ZRANB3: variants seen among roughly 807,000 people sequenced by gnomAD.
ZRANB3 encodes DNA annealing helicase and endonuclease ZRANB3.
In ZRANB3, 125 loss-of-function variants were observed where a neutral mutation model predicts 133.8. The observed-to-expected ratio is 0.93, with a 90% CI of 0.81 to 1.08. The LOEUF (loss-of-function observed/expected upper bound fraction) is 1.08. ZRANB3 is among the 50% of genes least tolerant of loss of function. ZRANB3 has a pLI of 0.00. For synonymous variants in ZRANB3, 387 were observed against 432.7 expected (o/e 0.89, Z 1.31); for missense variants, 1,229 against 1,275.5 (o/e 0.96, Z 0.56).
intron 12 of ZRANB3, among the ~76,000 whole-genome samples, chr2:135,253,479 C>A (rs181139429): frequency 6.6e-6 from 1 of 152,068 alleles, no homozygotes. Context: ...AGACACACTC[C>A]GAGAAATGTA....
At chr2:135,340,470 A>T in intron 6 of ZRANB3, among the ~76,000 whole-genome samples, 1 of 151,920 alleles carries the variant, frequency 6.6e-6, no homozygotes, top group East Asian at 1.9e-4. Flanking sequence ...TATTTTTTCA[A>T]ATAACATTTA....
At chr2:135,217,385 C>T (rs1694354487) in intron 17 of ZRANB3, 80 bp downstream of exon 17, 2 of 1,350,200 alleles carry the variant, frequency 1.5e-6, no homozygotes, top group South Asian at 1.7e-5. Flanking sequence ...TTAGTGGTTC[C>T]AAAAGATGCC....
chr2:135,329,783 T>A (rs1684042359), intron 6 of ZRANB3, among the ~76,000 whole-genome samples: 1 of 152,236 alleles, frequency 6.6e-6, no homozygotes, highest in Admixed American at 6.5e-5. Flanking sequence ...ACATCCTTTG[T>A]AAGTTGGATT....
chr2:135,518,587 C>G (rs930644987), intron 1 of ZRANB3, among the ~76,000 whole-genome samples: 4 of 152,142 alleles, frequency 2.6e-5, no homozygotes, highest in Non-Finnish European at 5.9e-5. Flanking sequence ...TGGGCTGCAC[C>G]CACTATCTAA....
intron 2 of ZRANB3, among the ~76,000 whole-genome samples, chr2:135,429,452 T>G (rs1423409033): frequency 6.6e-6 from 1 of 152,128 alleles, no homozygotes; most frequent in Non-Finnish European, 1.5e-5. Flanking sequence ...AAATAATCTG[T>G]ACTCCATACC....
chr2:135,485,047 T>A (rs560439640), intron 2 of ZRANB3, among the ~76,000 whole-genome samples: 1 of 151,520 alleles, frequency 6.6e-6, no homozygotes, highest in South Asian at 2.1e-4. Flanking sequence ...GAAATATGAA[T>A]AAATAAAAAT....
At chr2:135,403,167 C>T (rs866199982) in intron 2 of ZRANB3, among the ~76,000 whole-genome samples, 11 of 152,268 alleles carry the variant, frequency 7.2e-5, no homozygotes, top group Middle Eastern at 6.8e-3. Flanking sequence ...TTGCCTCACA[C>T]GGGAACCGCA....
At chr2:135,311,425 T>C (rs1682967309) in intron 8 of ZRANB3, among the ~76,000 whole-genome samples, 1 of 152,152 alleles carries the variant, frequency 6.6e-6, no homozygotes, top group African/African-American at 2.4e-5. Flanking sequence ...GTTAAATCTA[T>C]ACTTTTATGA....
intron 8 of ZRANB3, among the ~76,000 whole-genome samples, chr2:135,295,623 A>C (rs1425824899): frequency 2.2e-4 from 33 of 149,260 alleles, no homozygotes; most frequent in South Asian, 1.1e-3. Context: ...TGTCATTATG[A>C]TGTTAGCTGG....
Position 135,207,300 on chromosome 2 carries a change from T to C in ZRANB3, c.3009+134A>G, listed in dbSNP as rs1027284063. On this transcript the variant is annotated intron_variant, in intron 19 of 20. Coordinates refer to ENST00000264159, the MANE Select transcript of ZRANB3 (RefSeq NM_032143.4). ...GCTGTAAACTGTTAAAGCTGGCTGA[T>C]GGACATATGGGTCCATTATTTTCTT... 5 of 1,026,536 alleles carry C rather than the reference T, an allele frequency of 4.9e-6. 1 individual carries two copies. The South Asian group carries it at 8.6e-5, about 18-fold the overall frequency. The allele number at this position is 1,026,536 out of a possible 1,614,324, so 63.6% of individuals were successfully genotyped here. A position where few individuals can be genotyped will look rare whatever the true frequency, so the allele number is the denominator to read the frequency against.
intron 17 of ZRANB3, among the ~76,000 whole-genome samples, chr2:135,216,857 G>A (rs1186311979): frequency 6.6e-6 from 1 of 152,176 alleles, no homozygotes; most frequent in Non-Finnish European, 1.5e-5. Context: ...GATCACACAT[G>A]GGGAGACTTG....
chr2:135,481,691 A>AT (rs1419102722), intron 2 of ZRANB3, among the ~76,000 whole-genome samples: 1 of 150,654 alleles, frequency 6.6e-6, no homozygotes, highest in Non-Finnish European at 1.5e-5. Context: ...GTCCTTGCCC[A>AT]TGCCTATGTC....
intron 2 of ZRANB3, among the ~76,000 whole-genome samples, chr2:135,393,405 T>C (rs1372741780): frequency 6.6e-6 from 1 of 151,604 alleles, no homozygotes; most frequent in African/African-American, 2.4e-5. Flanking sequence ...GCTAAATAAA[T>C]AGACTGGAAG....
intron 2 of ZRANB3, among the ~76,000 whole-genome samples, chr2:135,433,507 T>C (rs1461140374): frequency 6.6e-6 from 1 of 152,226 alleles, no homozygotes; most frequent in Non-Finnish European, 1.5e-5. Flanking sequence ...TACTCTGTGA[T>C]AGAAGGTAAA....
chr2:135,277,620 G>A, intron 8 of ZRANB3, among the ~76,000 whole-genome samples: 1 of 152,060 alleles, frequency 6.6e-6, no homozygotes, highest in Non-Finnish European at 1.5e-5. Context: ...CTCCCAGAAA[G>A]TAAACAGAAA....
chr2:135,274,832 C>T (rs934384581), intron 9 of ZRANB3, among the ~76,000 whole-genome samples: 8 of 152,036 alleles, frequency 5.3e-5, no homozygotes, highest in Admixed American at 5.2e-4. Context: ...TGACTCTTAA[C>T]GAGCATGCTG....
intron 8 of ZRANB3, among the ~76,000 whole-genome samples, chr2:135,283,598 A>G (rs1285017903): frequency 6.7e-6 from 1 of 148,184 alleles, no homozygotes; most frequent in East Asian, 2.0e-4. Context: ...GCCTGGTGAC[A>G]GAGCGAGACT....
intron 12 of ZRANB3, among the ~76,000 whole-genome samples, chr2:135,238,164 G>T (rs2105078867): frequency 6.6e-6 from 1 of 152,248 alleles, no homozygotes; most frequent in African/African-American, 2.4e-5. Context: ...CAAATTAAAG[G>T]ATTTAGTTTC....
In ZRANB3 at chr2:135,208,990, A is replaced by G. The variant is rs765216225; in HGVS notation, c.2496-12T>C. The G allele has an allele frequency of 1.9e-6, 3 of 1,606,334 alleles. No individual in the cohort carries two copies. Among genetic ancestry groups the G allele is most frequent in the Non-Finnish European group, 2.6e-6 (3 of 1,172,952 alleles). Reference sequence around the variant, plus strand: ...CTTTGGTTATGTATCTAAAACAATGATATGTTAAATAGATTCCCTCTATCT... The same window carrying G: ...CTTTGGTTATGTATCTAAAACAATGGTATGTTAAATAGATTCCCTCTATCT... On this transcript the variant is annotated splice_polypyrimidine_tract_variant and intron_variant, in intron 17 of 20. Transcript: ENST00000264159.
Sources: allele counts gnomAD v4.1 joint callset (sites outside exome capture counted in the v4.1 genomes callset), GRCh38; gene constraint gnomAD v4.1.1; transcripts MANE v1.5; gene names NCBI Gene and HGNC (gene_info 2026-07-23, HGNC 2026-07-21).